The following WASL variants were observed in gnomAD, a reference collection of about 807,000 sequenced individuals.
The protein encoded by WASL is actin nucleation-promoting factor WASL.
A neutral mutation model predicts 55.5 loss-of-function variants in WASL; 20 were observed. The ratio of observed to expected loss-of-function variants is 0.36; its 90% CI spans 0.25 to 0.52. The LOEUF is 0.52. Among genes scored for constraint, WASL ranks in the 20% least tolerant of loss-of-function variants. The pLI is 0.92. For missense variants in WASL, 504 were observed against 622.5 expected, an observed-to-expected ratio of 0.81 and a Z score of 2.03; for synonymous variants, 249 against 217.6, an observed-to-expected ratio of 1.14 and a Z score of -1.27.
chr7:123,692,939 T>TTTTAACAAGTAATTCATTTAACA, intron 8 of WASL, 72 bp from the exon 9 acceptor site: 1 of 1,316,116 alleles, frequency 7.6e-7, no homozygotes, highest in Non-Finnish European at 9.7e-7. Flanking sequence ...AAGTAATTCA[T>TTTTAACAAGTAATTCATTTAACA]TTTAACATGT....
chr7:123,717,418 C>T lies in WASL; in HGVS notation c.118-8195G>A, dbSNP rs528519429. Among the ~76,000 whole-genome samples the T allele has an allele frequency of 4.6e-5, 7 of 152,340 alleles. No individual in the cohort carries two copies. The South Asian group carries it at 8.3e-4, about 18-fold the overall frequency. The stretch of plus-strand genomic sequence containing the variant: ...CTCTTTAGCTGTCCCTGAAGATGAT[C>T]GTGGTACTTCCATCAAGAATGCACT... On this transcript the variant is annotated intron_variant, in intron 1 of 10. Transcript: ENST00000223023.
chr7:123,748,833 T>G lies in WASL; in HGVS notation c.-99A>C, dbSNP rs1804493959. 9.9e-7 allele frequency: 1 copy of G among 1,009,814 alleles called. No homozygotes were observed. Among genetic ancestry groups the G allele is most frequent in the Non-Finnish European group, 1.4e-6 (1 of 718,320 alleles). 62.6% of individuals were successfully genotyped at this position (1,009,814 alleles called of 1,614,324 possible). Reference sequence around the variant, plus strand: ...GTGACAGGGGCGGGGAGAAGTGGAGTCAGAGGCGCCACATCTCGCAGCTCC... The same window carrying G: ...GTGACAGGGGCGGGGAGAAGTGGAGGCAGAGGCGCCACATCTCGCAGCTCC... On this transcript the variant is annotated 5_prime_UTR_variant, in exon 1 of 11. The change abolishes the stop of an existing upstream ORF in the 5' untranslated region. Coordinates refer to ENST00000223023, the MANE Select transcript of WASL (RefSeq NM_003941.4).
intron 1 of WASL, among the ~76,000 whole-genome samples, chr7:123,748,152 G>A (rs1440215856): frequency 6.6e-6 from 1 of 151,992 alleles, no homozygotes; most frequent in African/African-American, 2.4e-5. Context: ...GAATCCTAAT[G>A]GGAGATTAAA....
At chr7:123,719,594 C>A (rs574712079) in intron 1 of WASL, among the ~76,000 whole-genome samples, 2 of 152,204 alleles carry the variant, frequency 1.3e-5, no homozygotes, top group South Asian at 4.1e-4. Context: ...ATCAGCAGAC[C>A]CTTGGCTGAC....
rs569452963 is a variant in WASL at position 123,693,014 on chromosome 7, G to A, written c.827-147C>T. 2.7e-6 allele frequency: 3 copies of A among 1,111,512 alleles called. No homozygotes were observed. The African/African-American group carries it at 4.8e-5, about 18-fold the overall frequency. 68.9% of individuals were successfully genotyped at this position (1,111,512 alleles called of 1,614,324 possible). A position where few individuals can be genotyped will look rare whatever the true frequency, so the allele number is the denominator to read the frequency against. On this transcript the variant is annotated intron_variant, in intron 8 of 10. Coordinates refer to ENST00000223023, the MANE Select transcript of WASL (RefSeq NM_003941.4). Reference sequence around the variant, plus strand: ...CATTTTATTTTACAAAGATACCTGAGCACAGATGATATCTCACAATTTTTT... The same window carrying A: ...CATTTTATTTTACAAAGATACCTGAACACAGATGATATCTCACAATTTTTT...
At chr7:123,702,141 C>T (rs781023961) in intron 5 of WASL, among the ~76,000 whole-genome samples, 6 of 150,892 alleles carry the variant, frequency 4.0e-5, no homozygotes, top group South Asian at 2.1e-4. Context: ...TTGCAACCTC[C>T]GCCTTCTGGG....
In WASL at chr7:123,684,031, T is replaced by A. The variant is rs935556406; in HGVS notation, c.*488A>T. 1 of 152,010 alleles carries A rather than the reference T, an allele frequency of 6.6e-6. No homozygotes were observed. The highest frequency in any genetic ancestry group is 6.6e-5 in the Admixed American group (1 of 15,228). 9.4% of individuals were successfully genotyped at this position (152,010 alleles called of 1,614,324 possible). On this transcript the variant is annotated 3_prime_UTR_variant, in exon 11 of 11. Transcript: ENST00000223023. ...GATGTCTACAGAACTGTGCAATGTA[T>A]CAGCTTCAACATTCATATGTAGCAT...
intron 9 of WASL, among the ~76,000 whole-genome samples, chr7:123,691,047 C>T (rs1359525699): frequency 1.3e-5 from 2 of 152,118 alleles, no homozygotes; most frequent in Non-Finnish European, 2.9e-5. Flanking sequence ...AAGAAAAGAG[C>T]TAGATATATT....
At chr7:123,712,293 C>T (rs1803771349) in intron 1 of WASL, among the ~76,000 whole-genome samples, 1 of 152,108 alleles carries the variant, frequency 6.6e-6, no homozygotes. Flanking sequence ...TTCCCATAAG[C>T]ACTTAAAGTA....
Position 123,684,051 on chromosome 7 carries a change from T to C in WASL, c.*468A>G, listed in dbSNP as rs554940170. ...ATGTATCAGCTTCAACATTCATATGTAGCATTGTATTCAAAATAAAGGGGC... is the reference window on the plus strand; with the variant it reads ...ATGTATCAGCTTCAACATTCATATGCAGCATTGTATTCAAAATAAAGGGGC... On this transcript the variant is annotated 3_prime_UTR_variant, in exon 11 of 11. Coordinates refer to ENST00000223023, the MANE Select transcript of WASL (RefSeq NM_003941.4). The C allele has an allele frequency of 1.3e-5, 2 of 152,210 alleles. No homozygotes were observed. Among genetic ancestry groups the C allele is most frequent in the East Asian group, 1.9e-4 (1 of 5,188 alleles). The allele number at this position is 152,210 out of a possible 1,614,324, so 9.4% of individuals were successfully genotyped here.
intron 9 of WASL, 68 bp from the exon 10 acceptor site, chr7:123,689,218 C>G (rs1025498764): frequency 7.6e-7 from 1 of 1,310,138 alleles, no homozygotes; most frequent in Non-Finnish European, 1.1e-6. Flanking sequence ...TCCAGAAAGT[C>G]CTACTTTCTT....
rs944070659 is a variant in WASL at position 123,683,146 on chromosome 7, T to A, written c.*1373A>T. 6.6e-6 allele frequency: 1 copy of A among 152,066 alleles called. No individual in the cohort carries two copies. The highest frequency in any genetic ancestry group is 2.4e-5 in the African/African-American group (1 of 41,428). The allele number at this position is 152,066 out of a possible 1,614,324, so 9.4% of individuals were successfully genotyped here. ...ATTGTGACTATAGTAATGAAATACATTTGGAACTACATTATGCATATTACT... is the reference window on the plus strand; with the variant it reads ...ATTGTGACTATAGTAATGAAATACAATTGGAACTACATTATGCATATTACT... On this transcript the variant is annotated 3_prime_UTR_variant, in exon 11 of 11. Transcript: ENST00000223023.
intron 1 of WASL, chr7:123,720,403 T>A (rs556354879): frequency 2.3e-6 from 1 of 433,176 alleles, no homozygotes; most frequent in African/African-American, 2.1e-5. Flanking sequence ...GATACACTGT[T>A]ATCTGAATAA....
intron 1 of WASL, among the ~76,000 whole-genome samples, chr7:123,734,491 G>T (rs1177142533): frequency 6.7e-6 from 1 of 150,262 alleles, no homozygotes; most frequent in Admixed American, 6.7e-5. Flanking sequence ...ATGCTGGTGT[G>T]AATGTGGTGC....
chr7:123,688,819 C>G (rs1465100124), intron 10 of WASL, among the ~76,000 whole-genome samples: 3 of 152,154 alleles, frequency 2.0e-5, no homozygotes, highest in Admixed American at 1.3e-4. Context: ...ATGGCTATGG[C>G]TGTGGTGGTG....
rs1344862779 is a variant in WASL, at chr7:123,706,327, T to C, written c.386A>G (p.Lys129Arg). Residue 129 changes from lysine (K) to arginine (R), a missense_variant, in exon 4 of 11, where the codon AAA becomes AGA. Coordinates refer to ENST00000223023, the MANE Select transcript of WASL (RefSeq NM_003941.4). ...LNFANEEEAK[K>R]FRKAVTDLLG... ...AAGGTCTGTAACTGCTTTTCGAAAT[T>C]TTTTTGCTTCTTCTTCATTGGCAAA... is the stretch of plus-strand genomic sequence containing the variant. 1.2e-6 allele frequency: 2 copies of C among 1,613,680 alleles called. No homozygotes were observed. Among genetic ancestry groups the C allele is most frequent in the South Asian group, 2.2e-5 (2 of 91,050 alleles).
In WASL at chr7:123,748,794, C is replaced by A. The variant is rs1464247432; in HGVS notation, c.-60G>T. 7.2e-7 allele frequency: 1 copy of A among 1,381,788 alleles called. No homozygotes were observed. The highest frequency in any genetic ancestry group is 1.5e-5 in the African/African-American group (1 of 66,910). The allele number at this position is 1,381,788 out of a possible 1,614,324, so 85.6% of individuals were successfully genotyped here. A position where few individuals can be genotyped will look rare whatever the true frequency, so the allele number is the denominator to read the frequency against. ...CTCCTCCGGCGAGTGGGCGAGAGCT[C>A]GTTCCCCCTCTCGGTGACAGGGGCG... On this transcript the variant is annotated 5_prime_UTR_variant, in exon 1 of 11. Coordinates refer to ENST00000223023, the MANE Select transcript of WASL (RefSeq NM_003941.4).
chr7:123,695,088 C>T (rs1469975919), intron 7 of WASL, among the ~76,000 whole-genome samples: 1 of 152,056 alleles, frequency 6.6e-6, no homozygotes, highest in Non-Finnish European at 1.5e-5. Flanking sequence ...GAGGGCATCT[C>T]ATTTAGATTT....
At position 123,696,707 on chromosome 7, in the gene WASL, T is replaced by C; in HGVS notation, c.501A>G (p.Pro167=). ...CATAAAATCTATTTGTTGTGATTTC[T>C]GGATTTTTTATATCAACTGTAGCCA... ...LPMATVDIKN[P]EITTNRFYGP... The change falls in exon 6 of 11, where the codon CCA becomes CCG. Residue 167 remains proline, a synonymous_variant. Transcript: ENST00000223023. 2 of 1,599,992 alleles carry C rather than the reference T, an allele frequency of 1.3e-6. No homozygotes were observed. Among genetic ancestry groups the C allele is most frequent in the South Asian group, 1.1e-5 (1 of 88,022 alleles).
Sources: allele counts gnomAD v4.1 joint callset (sites outside exome capture counted in the v4.1 genomes callset), GRCh38; gene constraint gnomAD v4.1.1; transcripts MANE v1.5; gene names NCBI Gene and HGNC (gene_info 2026-07-23, HGNC 2026-07-21).